Variants in TMEM131L observed in about 807,000 individuals in gnomAD.
TMEM131L encodes the protein transmembrane 131 like.
Under a neutral mutation model 192.2 loss-of-function variants are expected in TMEM131L, and 54 were observed. That is an observed-to-expected ratio of 0.28 (90% CI 0.23 to 0.35). TMEM131L has a LOEUF of 0.35. Among genes scored for constraint, TMEM131L ranks in the 10% least tolerant of loss-of-function variants. The pLI is 1.00. For missense variants in TMEM131L, 1,888 were observed against 1,972.9 expected, an observed-to-expected ratio of 0.96 and a Z score of 0.82; for synonymous variants, 701 against 704.9, an observed-to-expected ratio of 0.99 and a Z score of 0.09.
rs1197885369 is a variant in TMEM131L at position 153,603,970 on chromosome 4, T to G, written c.2958T>G (p.Ser986Arg). The G allele has an allele frequency of 6.2e-7, 1 of 1,614,008 alleles. No individual in the cohort carries two copies. The highest frequency in any genetic ancestry group is 8.5e-7 in the Non-Finnish European group (1 of 1,179,998). Residue 986 changes from serine to arginine, a missense_variant, in exon 25 of 35, where the codon AGT becomes AGG. Transcript: ENST00000409959. ...AGCACAAATGCTCAGTGTATTACAG[T>G]AAACACAAAACCAGCACAGCTGCGG... Reference protein sequence around the residue: ...QKKHKCSVYYSKHKTSTAAAS... With the variant: ...QKKHKCSVYYRKHKTSTAAAS...
intron 2 of TMEM131L, among the ~76,000 whole-genome samples, chr4:153,468,028 G>C (rs1730889422): frequency 1.3e-5 from 2 of 152,148 alleles, no homozygotes; most frequent in African/African-American, 4.8e-5. Flanking sequence ...TTTTGGGTGG[G>C]AGTGGCTTGA....
At chr4:153,600,053 GA>G (rs1367811194) in intron 21 of TMEM131L, among the ~76,000 whole-genome samples, 1 of 151,998 alleles carries the variant, frequency 6.6e-6, no homozygotes, top group Non-Finnish European at 1.5e-5. Flanking sequence ...AAAGGAAAAA[GA>G]AAAAAATAAA....
intron 3 of TMEM131L, among the ~76,000 whole-genome samples, chr4:153,477,204 T>G (rs763750618): frequency 4.1e-4 from 63 of 152,176 alleles, no homozygotes; most frequent in Admixed American, 7.9e-4. Flanking sequence ...TGGTGATGAC[T>G]GTGCTGGGAA....
At chr4:153,544,162 G>T (rs1298411179) in intron 3 of TMEM131L, among the ~76,000 whole-genome samples, 1 of 152,180 alleles carries the variant, frequency 6.6e-6, no homozygotes, top group Non-Finnish European at 1.5e-5. Context: ...CAGCTAGCTA[G>T]ATGTGGGGGC....
chr4:153,586,845 T>C (rs1730733795), intron 14 of TMEM131L, among the ~76,000 whole-genome samples: 1 of 152,224 alleles, frequency 6.6e-6, no homozygotes, highest in Admixed American at 6.5e-5. Context: ...GATTCACAGT[T>C]AAGAAAATGC....
At chr4:153,569,376 T>G (rs1380313989) in intron 7 of TMEM131L, among the ~76,000 whole-genome samples, 2 of 152,188 alleles carry the variant, frequency 1.3e-5, no homozygotes, top group Non-Finnish European at 2.9e-5. Context: ...TAGACAGCTT[T>G]GAGATGGATT....
chr4:153,585,537 TACCGCA>T lies in TMEM131L; in HGVS notation c.1241_1246del (p.Arg414_Asn415del). 6.2e-7 allele frequency: 1 copy of T among 1,614,120 alleles called. No individual in the cohort carries two copies. Among genetic ancestry groups the T allele is most frequent in the East Asian group, 2.2e-5 (1 of 44,876 alleles). ...CACATCAGGACTTTGGTCAATATGGTACCGCAACCATTTTGACCGTAGTGTTGTATT... is the reference window on the plus strand; with the variant it reads ...CACATCAGGACTTTGGTCAATATGGTACCATTTTGACCGTAGTGTTGTATT... On this transcript the variant is annotated inframe_deletion, in exon 13 of 35. Transcript: ENST00000409959.
At chr4:153,467,581 T>C (rs2149694263) in intron 2 of TMEM131L, among the ~76,000 whole-genome samples, 1 of 152,368 alleles carries the variant, frequency 6.6e-6, no homozygotes, top group East Asian at 1.9e-4. Flanking sequence ...GTGCACACTG[T>C]TCCCTAAGTG....
intron 7 of TMEM131L, among the ~76,000 whole-genome samples, chr4:153,567,373 T>C (rs1729280996): frequency 6.6e-6 from 1 of 152,176 alleles, no homozygotes; most frequent in Admixed American, 6.5e-5. Context: ...TTTAGTAACA[T>C]TTTGTTGTAG....
intron 3 of TMEM131L, among the ~76,000 whole-genome samples, chr4:153,538,959 C>A (rs62324752): frequency 4.6e-5 from 7 of 151,988 alleles, no homozygotes; most frequent in Non-Finnish European, 7.4e-5. Flanking sequence ...AACTTAGTCC[C>A]GTGGCCGTAC....
At chr4:153,622,704 G>C (rs564475147) in intron 28 of TMEM131L, among the ~76,000 whole-genome samples, 194 bp from the exon 29 acceptor site, 1 of 152,350 alleles carries the variant, frequency 6.6e-6, no homozygotes, top group Non-Finnish European at 1.5e-5. Flanking sequence ...CATAGGCAGA[G>C]TAGACGGCCC....
intron 2 of TMEM131L, among the ~76,000 whole-genome samples, chr4:153,469,609 T>C (rs1731009627): frequency 6.6e-6 from 1 of 151,970 alleles, no homozygotes; most frequent in Admixed American, 6.6e-5. Context: ...GTAGATGAAA[T>C]AGGAACTTTA....
intron 3 of TMEM131L, among the ~76,000 whole-genome samples, chr4:153,510,916 G>A (rs943548829): frequency 4.0e-5 from 6 of 151,706 alleles, no homozygotes; most frequent in Admixed American, 6.6e-5. Flanking sequence ...GAAAAAAACC[G>A]GAAAGATGAC....
chr4:153,476,628 C>T (rs942720120), intron 3 of TMEM131L, among the ~76,000 whole-genome samples: 1 of 151,924 alleles, frequency 6.6e-6, no homozygotes, highest in Non-Finnish European at 1.5e-5. Flanking sequence ...ACCCGGGAGG[C>T]GGAGCTTGCA....
At chr4:153,492,774 C>G (rs1003274107) in intron 3 of TMEM131L, among the ~76,000 whole-genome samples, 1 of 151,886 alleles carries the variant, frequency 6.6e-6, no homozygotes, top group African/African-American at 2.4e-5. Flanking sequence ...TTTTTTTTAA[C>G]TTATATATCT....
intron 3 of TMEM131L, among the ~76,000 whole-genome samples, chr4:153,479,572 AT>A (rs1386911362): frequency 6.6e-6 from 1 of 152,162 alleles, no homozygotes; most frequent in Non-Finnish European, 1.5e-5. Flanking sequence ...TATGAGTAGT[AT>A]ATTCAGGTTT....
At position 153,493,345 on chromosome 4, in the gene TMEM131L, C is replaced by CAAAA. The variant is rs35052272; in HGVS notation, c.239+19476_239+19479dup. ...TGGGTGACAGAGTGAGACTCTGTCT[C>CAAAA]AAAAAAAAAAAAAAAAAAAAAAGAT... is the stretch of plus-strand genomic sequence containing the variant. On this transcript the variant is annotated intron_variant, in intron 3 of 34. Coordinates refer to ENST00000409959, the MANE Select transcript of TMEM131L (RefSeq NM_001131007.2). Among the ~76,000 whole-genome samples the CAAAA allele has an allele frequency of 1.0e-3, 76 of 72,854 alleles. 1 individual carries two copies. Among genetic ancestry groups the CAAAA allele is most frequent in the African/African-American group, 4.0e-3 (60 of 15,094 alleles). 47.8% of individuals were successfully genotyped at this position (72,854 alleles called of 152,430 possible).
chr4:153,621,873 A>C, intron 28 of TMEM131L, 24 bp downstream of exon 28: 1 of 1,609,656 alleles, frequency 6.2e-7, no homozygotes, highest in Non-Finnish European at 8.5e-7. Flanking sequence ...CTGAGCTACA[A>C]ATGGTGCTTC....
In TMEM131L at chr4:153,552,212, C is replaced by CA. The variant is rs201581662; in HGVS notation, c.308+2079dup. ...TGGGCGACAGAGGGAGACTCTGTCT[C>CA]AAAAAAAAGAGTCTTTATTGTGAAA... On this transcript the variant is annotated intron_variant, in intron 4 of 34. Transcript: ENST00000409959. Among the ~76,000 whole-genome samples, 747 of 149,788 alleles carry CA rather than the reference C, an allele frequency of 5.0e-3. 5 individuals carry two copies. The highest frequency in any genetic ancestry group is 0.017 in the African/African-American group (676 of 40,774).
Sources: allele counts gnomAD v4.1 joint callset (sites outside exome capture counted in the v4.1 genomes callset), GRCh38; gene constraint gnomAD v4.1.1; transcripts MANE v1.5; gene names NCBI Gene and HGNC (gene_info 2026-07-23, HGNC 2026-07-21).